Variants in PTPN4 observed in about 807,000 individuals in gnomAD.
PTPN4 encodes tyrosine-protein phosphatase non-receptor type 4.
In PTPN4, 49 loss-of-function variants were observed where a neutral mutation model predicts 135.5. The ratio of observed to expected loss-of-function variants is 0.36; its 90% CI spans 0.29 to 0.46. The LOEUF (loss-of-function observed/expected upper bound fraction) is 0.46, where lower values mean the gene tolerates loss of function less well. Among genes scored for constraint, PTPN4 ranks in the 20% least tolerant of loss-of-function variants. The pLI is 1.00. For synonymous variants in PTPN4, 333 were observed against 369.9 expected (o/e 0.90, Z 1.14); for missense variants, 860 against 1,101.0 (o/e 0.78, Z 3.10).
intron 8 of PTPN4, among the ~76,000 whole-genome samples, chr2:119,884,235 T>C (rs1678122732): frequency 6.6e-6 from 1 of 152,236 alleles, no homozygotes; most frequent in Non-Finnish European, 1.5e-5. Flanking sequence ...AGGCTAAGAT[T>C]GTTATGTAGA....
intron 15 of PTPN4, among the ~76,000 whole-genome samples, chr2:119,939,951 G>A (rs1231505642): frequency 6.6e-6 from 1 of 152,212 alleles, no homozygotes; most frequent in Non-Finnish European, 1.5e-5. Context: ...ATTAGATGCT[G>A]TTGTATTCAT....
intron 1 of PTPN4, among the ~76,000 whole-genome samples, chr2:119,796,139 C>CCCACGGCTG (rs1553438181): frequency 6.6e-6 from 1 of 151,962 alleles, no homozygotes; most frequent in Non-Finnish European, 1.5e-5. Context: ...ACACAAGGGA[C>CCCACGGCTG]CCACTGCTGC....
intron 1 of PTPN4, among the ~76,000 whole-genome samples, chr2:119,801,095 T>A (rs957115901): frequency 6.6e-6 from 1 of 152,224 alleles, no homozygotes; most frequent in Non-Finnish European, 1.5e-5. Flanking sequence ...ATTTTTTATT[T>A]TTTTTAAATT....
At chr2:119,973,759 C>T (rs1380062076) in intron 26 of PTPN4, among the ~76,000 whole-genome samples, 1 of 139,134 alleles carries the variant, frequency 7.2e-6, no homozygotes, top group Non-Finnish European at 1.5e-5. Flanking sequence ...TTTACATCCT[C>T]AAGGTGGTGT....
intron 15 of PTPN4, among the ~76,000 whole-genome samples, chr2:119,942,740 T>A (rs1468457787): frequency 6.6e-6 from 1 of 152,204 alleles, no homozygotes; most frequent in African/African-American, 2.4e-5. Flanking sequence ...ATCTCTTAAG[T>A]TCTGCTAAGG....
At chr2:119,776,453 C>T (rs1355339130) in intron 1 of PTPN4, among the ~76,000 whole-genome samples, 2 of 152,204 alleles carry the variant, frequency 1.3e-5, no homozygotes, top group East Asian at 3.8e-4. Flanking sequence ...GGATTACAGG[C>T]GTAAGCCACC....
chr2:119,858,440 T>C (rs1677712815), intron 2 of PTPN4, among the ~76,000 whole-genome samples: 1 of 152,196 alleles, frequency 6.6e-6, no homozygotes, highest in South Asian at 2.1e-4. Context: ...CTTGGATTCT[T>C]GAATCTGTAT....
At chr2:119,806,525 A>C (rs1691472818) in intron 1 of PTPN4, among the ~76,000 whole-genome samples, 1 of 152,230 alleles carries the variant, frequency 6.6e-6, no homozygotes. Context: ...AAGAAGAGCT[A>C]ACTATCCTAA....
chr2:119,930,399 C>T (rs1244559033), intron 13 of PTPN4, among the ~76,000 whole-genome samples: 4 of 151,288 alleles, frequency 2.6e-5, no homozygotes, highest in Non-Finnish European at 5.9e-5. Context: ...TTAAATTTTT[C>T]GTGGTTTAGT....
At chr2:119,873,952 G>C (rs1301814874) in intron 3 of PTPN4, among the ~76,000 whole-genome samples, 1 of 152,080 alleles carries the variant, frequency 6.6e-6, no homozygotes, top group Non-Finnish European at 1.5e-5. Flanking sequence ...TCCACTCCCA[G>C]ATATATATTG....
intron 9 of PTPN4, among the ~76,000 whole-genome samples, chr2:119,888,008 A>AT (rs1678184802): frequency 6.6e-6 from 1 of 151,806 alleles, no homozygotes. Context: ...AAGGCATGGG[A>AT]TTTTTTCTAT....
chr2:119,884,524 T>A (rs1163687350), intron 8 of PTPN4, among the ~76,000 whole-genome samples: 6 of 152,218 alleles, frequency 3.9e-5, no homozygotes, highest in Non-Finnish European at 8.8e-5. Context: ...TTTAATGGAC[T>A]ACCTAATGTG....
At chr2:119,837,284 G>A (rs754316303) in intron 2 of PTPN4, among the ~76,000 whole-genome samples, 3 of 152,098 alleles carry the variant, frequency 2.0e-5, no homozygotes, top group East Asian at 1.9e-4. Flanking sequence ...TCGACTCTTC[G>A]AGGCAATCTG....
intron 2 of PTPN4, among the ~76,000 whole-genome samples, chr2:119,836,068 C>CA (rs35095345): frequency 2.2e-3 from 275 of 125,780 alleles, no homozygotes; most frequent in African/African-American, 5.1e-3. Context: ...GTCTCCGTCT[C>CA]AAAAAAAAAA....
chr2:119,976,187 C>T (rs1411660439), intron 26 of PTPN4, among the ~76,000 whole-genome samples: 1 of 151,610 alleles, frequency 6.6e-6, no homozygotes, highest in Non-Finnish European at 1.5e-5. Context: ...TTAGTAGAGA[C>T]GGGGTTTCAC....
At chr2:119,847,315 C>CACACACACAT (rs1377379334) in intron 2 of PTPN4, among the ~76,000 whole-genome samples, 13 of 94,498 alleles carry the variant, frequency 1.4e-4, no homozygotes, top group Admixed American at 1.0e-3. Flanking sequence ...CACACACACA[C>CACACACACAT]ATATATATAT....
At chr2:119,850,814 G>A (rs1677580307) in intron 2 of PTPN4, among the ~76,000 whole-genome samples, 1 of 152,306 alleles carries the variant, frequency 6.6e-6, no homozygotes, top group South Asian at 2.1e-4. Flanking sequence ...GATCCATAGA[G>A]TTCCTTTCTG....
At chr2:119,946,291 T>C in intron 16 of PTPN4, 50 bp from the exon 17 acceptor site, 1 of 1,374,082 alleles carries the variant, frequency 7.3e-7, no homozygotes, top group South Asian at 1.3e-5. Context: ...ATCTGAAGAA[T>C]AGATTTTAAG....
chr2:119,942,449 G>T (rs1199963015), intron 15 of PTPN4, among the ~76,000 whole-genome samples: 1 of 152,140 alleles, frequency 6.6e-6, no homozygotes, highest in East Asian at 1.9e-4. Context: ...CAAGAATAAG[G>T]AAGGTTTCCC....
Sources: gnomAD v4.1 joint callset for allele counts (sites outside exome capture counted in the v4.1 genomes callset) on GRCh38, gnomAD v4.1.1 for gene constraint, MANE v1.5 for transcripts, NCBI Gene and HGNC (gene_info 2026-07-23, HGNC 2026-07-21) for gene names.